Variants in GABRG3 observed in about 807,000 individuals in gnomAD.
GABRG3 encodes the protein gamma-aminobutyric acid receptor subunit gamma-3.
A neutral mutation model predicts 48.8 loss-of-function variants in GABRG3; 25 were observed. That is an observed-to-expected ratio of 0.51 (90% CI 0.37 to 0.72). The LOEUF (loss-of-function observed/expected upper bound fraction) is 0.72. Ranked by LOEUF, GABRG3 falls within the 30% of genes least tolerant of loss-of-function variation. The probability of loss-of-function intolerance (pLI) is 0.00; values close to 1 mark genes in which losing one functional copy is unlikely to be tolerated. For synonymous variants in GABRG3, 227 were observed against 217.6 expected (o/e 1.04, Z -0.38); for missense variants, 394 against 577.9 (o/e 0.68, Z 3.26).
At chr15:27,439,321 G>C (rs1484923978) in intron 5 of GABRG3, among the ~76,000 whole-genome samples, 2 of 152,170 alleles carry the variant, frequency 1.3e-5, no homozygotes, top group African/African-American at 4.8e-5. Flanking sequence ...ATGGGTGGAT[G>C]GTGGAAGCGA....
chr15:27,441,261 G>GTACC (rs905361690), intron 5 of GABRG3, among the ~76,000 whole-genome samples: 17 of 152,170 alleles, frequency 1.1e-4, no homozygotes, highest in African/African-American at 4.1e-4. Flanking sequence ...TCAGTTTCCT[G>GTACC]TACCTGCTGT....
intron 5 of GABRG3, among the ~76,000 whole-genome samples, chr15:27,375,851 A>G (rs1031415739): frequency 1.3e-5 from 2 of 152,126 alleles, no homozygotes; most frequent in South Asian, 2.1e-4. Flanking sequence ...CCGAAATCTC[A>G]TATCTTCACA....
At chr15:27,465,865 G>C (rs1277910683) in intron 5 of GABRG3, among the ~76,000 whole-genome samples, 2 of 151,650 alleles carry the variant, frequency 1.3e-5, no homozygotes, top group African/African-American at 4.9e-5. Context: ...GATGCCTTCT[G>C]ATATGTTCTT....
chr15:26,987,412 C>A (rs555013952), intron 2 of GABRG3, among the ~76,000 whole-genome samples: 1 of 152,334 alleles, frequency 6.6e-6, no homozygotes, highest in South Asian at 2.1e-4. Context: ...TAATTAACAT[C>A]CATATCCAAG....
At chr15:27,102,078 A>G (rs1040349604) in intron 3 of GABRG3, among the ~76,000 whole-genome samples, 2 of 151,982 alleles carry the variant, frequency 1.3e-5, no homozygotes, top group African/African-American at 4.8e-5. Flanking sequence ...GAACCAAGCC[A>G]CGCCATCGTG....
rs1187629494 is a variant in GABRG3 at position 27,534,572 on chromosome 15, A to G, written c.*1691A>G. The G allele has an allele frequency of 6.6e-6, 1 of 152,212 alleles. No homozygotes were observed. The highest frequency in any genetic ancestry group is 1.5e-5 in the Non-Finnish European group (1 of 68,042). The allele number at this position is 152,212 out of a possible 1,614,324, so 9.4% of individuals were successfully genotyped here. On this transcript the variant is annotated 3_prime_UTR_variant, in exon 10 of 10. Transcript: ENST00000615808. The stretch of plus-strand genomic sequence containing the variant: ...GAAAACTGAATTAATTTGACCTAGA[A>G]ACCGTAATTTTTAAAATTATCTATT...
chr15:27,062,492 C>T (rs977616667), intron 3 of GABRG3, among the ~76,000 whole-genome samples: 6 of 145,140 alleles, frequency 4.1e-5, no homozygotes, highest in Non-Finnish European at 9.0e-5. Context: ...CCTGTAATCC[C>T]AGCTACTCAG....
chr15:27,126,221 A>G (rs986443418), intron 3 of GABRG3, among the ~76,000 whole-genome samples: 41 of 152,186 alleles, frequency 2.7e-4, no homozygotes, highest in African/African-American at 8.9e-4. Context: ...GTCTTATTGG[A>G]TCCCCACAAA....
chr15:27,256,310 G>A (rs1450043643), intron 3 of GABRG3, among the ~76,000 whole-genome samples: 1 of 152,002 alleles, frequency 6.6e-6, no homozygotes, highest in Non-Finnish European at 1.5e-5. Context: ...GTGCGATGGA[G>A]GGCGCCTGTA....
At chr15:27,302,533 G>A (rs959201023) in intron 3 of GABRG3, among the ~76,000 whole-genome samples, 1 of 151,984 alleles carries the variant, frequency 6.6e-6, no homozygotes, top group African/African-American at 2.4e-5. Flanking sequence ...TATATCCACA[G>A]TTAAAGTTGG....
intron 3 of GABRG3, among the ~76,000 whole-genome samples, chr15:27,169,468 A>T (rs1238993679): frequency 6.6e-6 from 1 of 152,146 alleles, no homozygotes; most frequent in Non-Finnish European, 1.5e-5. Flanking sequence ...CTGGAAAGGT[A>T]GGTTAGGGAT....
At chr15:27,449,364 AGCTCTGCAGAAGGTTTCCTTAT>A (rs1258621069) in intron 5 of GABRG3, among the ~76,000 whole-genome samples, 1 of 152,218 alleles carries the variant, frequency 6.6e-6, no homozygotes, top group Non-Finnish European at 1.5e-5. Context: ...GCAAGAGCCC[AGCTCTGCAGAAGGTTTCCTTAT>A]CCTCTGACCC....
At chr15:27,211,184 C>T (rs1889067920) in intron 3 of GABRG3, among the ~76,000 whole-genome samples, 1 of 152,156 alleles carries the variant, frequency 6.6e-6, no homozygotes, top group African/African-American at 2.4e-5. Context: ...ACCCAAGGCC[C>T]TCCAGGAGTG....
intron 3 of GABRG3, among the ~76,000 whole-genome samples, chr15:27,289,501 G>A (rs1891728241): frequency 6.6e-6 from 1 of 152,086 alleles, no homozygotes; most frequent in Non-Finnish European, 1.5e-5. Flanking sequence ...TCAGTGATGG[G>A]GGCAGGGGAA....
intron 3 of GABRG3, among the ~76,000 whole-genome samples, chr15:27,314,358 G>A (rs1261620177): frequency 2.0e-5 from 3 of 152,146 alleles, no homozygotes; most frequent in Non-Finnish European, 4.4e-5. Flanking sequence ...AAGACCGCAA[G>A]GAGTTATCAC....
At chr15:27,317,092 C>T (rs1347449178) in intron 3 of GABRG3, among the ~76,000 whole-genome samples, 6 of 151,890 alleles carry the variant, frequency 4.0e-5, no homozygotes, top group Non-Finnish European at 8.8e-5. Flanking sequence ...CTTTGGACCC[C>T]CTCACCATCT....
intron 3 of GABRG3, among the ~76,000 whole-genome samples, chr15:27,067,493 C>T (rs540240304): frequency 2.6e-5 from 4 of 152,174 alleles, no homozygotes; most frequent in South Asian, 4.1e-4. Context: ...CCAGGGTGGC[C>T]GACAACCGGG....
chr15:27,066,755 A>G (rs995954220), intron 3 of GABRG3, among the ~76,000 whole-genome samples: 1 of 152,074 alleles, frequency 6.6e-6, no homozygotes, highest in Non-Finnish European at 1.5e-5. Flanking sequence ...TTGAAAAGTG[A>G]TATCTTGTTC....
intron 7 of GABRG3, among the ~76,000 whole-genome samples, chr15:27,526,303 G>T (rs1027338861): frequency 6.6e-6 from 1 of 152,220 alleles, no homozygotes; most frequent in African/African-American, 2.4e-5. Context: ...TTAAACAGAG[G>T]CCGTGATGCT....
Sources: gnomAD v4.1 joint callset for allele counts (sites outside exome capture counted in the v4.1 genomes callset) on GRCh38, gnomAD v4.1.1 for gene constraint, MANE v1.5 for transcripts, NCBI Gene and HGNC (gene_info 2026-07-23, HGNC 2026-07-21) for gene names.